PLA2R1: variants seen among roughly 807,000 people sequenced by gnomAD.
The protein encoded by PLA2R1 is phospholipase A2 receptor 1, also known as secretory phospholipase A2 receptor.
Under a neutral mutation model 195.9 loss-of-function variants are expected in PLA2R1, and 158 were observed. That is an observed-to-expected ratio of 0.81 (90% CI 0.71 to 0.92). PLA2R1 has a LOEUF of 0.92. Among genes scored for constraint, PLA2R1 ranks in the 40% least tolerant of loss-of-function variants. The probability of loss-of-function intolerance (pLI) is 0.00; values close to 1 mark genes in which losing one functional copy is unlikely to be tolerated. For missense variants in PLA2R1, 1,626 were observed against 1,764.6 expected (o/e 0.92, Z 1.41); for synonymous variants, 586 against 598.2 (o/e 0.98, Z 0.30).
At chr2:159,931,679 G>A (rs1686594664), downstream of PLA2R1, among the ~76,000 whole-genome samples, 1 of 152,050 alleles carries the variant, frequency 6.6e-6, no homozygotes. Flanking sequence ...TGTACTACAG[G>A]CATGCACCAC....
chr2:159,936,011 G>T lies in PLA2R1; in HGVS notation c.*5767C>A, dbSNP rs1194931318. On this transcript the variant is annotated 3_prime_UTR_variant, in exon 30 of 30. Transcript: ENST00000283243. ...CTGTCGCCCAGGCTGGAGTGCAGTG[G>T]CGCCATCTCGGCTCACTGTAAGCTC... The T allele has an allele frequency of 7.1e-6, 1 of 140,014 alleles. No homozygotes were observed. Among genetic ancestry groups the T allele is most frequent in the African/African-American group, 2.7e-5 (1 of 37,142 alleles). 8.7% of individuals were successfully genotyped at this position (140,014 alleles called of 1,614,324 possible).
intron 28 of PLA2R1, 37 bp from the exon 29 acceptor site, chr2:159,942,196 T>C (rs1349969710): frequency 6.5e-7 from 1 of 1,544,452 alleles, no homozygotes; most frequent in Admixed American, 1.7e-5. Context: ...GAGGTTTTTC[T>C]TTTAATTCAG....
intron 3 of PLA2R1, among the ~76,000 whole-genome samples, chr2:160,035,755 C>T (rs1047990514): frequency 2.6e-5 from 4 of 152,146 alleles, no homozygotes; most frequent in East Asian, 1.9e-4. Context: ...GAAGTGCATA[C>T]GTAGAATGAC....
downstream of PLA2R1, among the ~76,000 whole-genome samples, chr2:159,931,709 T>G (rs991051823): frequency 6.6e-6 from 1 of 152,172 alleles, no homozygotes; most frequent in Non-Finnish European, 1.5e-5. Context: ...CTAACTTTTT[T>G]GTATTTTTTT....
chr2:159,963,816 T>C (rs1463318911), intron 20 of PLA2R1, among the ~76,000 whole-genome samples: 1 of 152,178 alleles, frequency 6.6e-6, no homozygotes, highest in African/African-American at 2.4e-5. Context: ...AGAACATTTG[T>C]CAGTTCCTCA....
At chr2:159,986,618 G>A (rs766097551) in intron 12 of PLA2R1, among the ~76,000 whole-genome samples, 1 of 148,598 alleles carries the variant, frequency 6.7e-6, no homozygotes, top group African/African-American at 2.5e-5. Flanking sequence ...ATAGAGACTC[G>A]CTGTGTCACC....
At chr2:159,993,478 T>A (rs921362837) in intron 11 of PLA2R1, among the ~76,000 whole-genome samples, 5 of 60,266 alleles carry the variant, frequency 8.3e-5, no homozygotes, top group Admixed American at 1.7e-4. Context: ...ACACACACAC[T>A]TCCTAGATCT....
In PLA2R1 at chr2:160,042,810, T is replaced by C. The variant is rs796411702; in HGVS notation, c.494-612A>G. Among the ~76,000 whole-genome samples the C allele has an allele frequency of 8.3e-4, 22 of 26,410 alleles. 1 individual carries two copies. The highest frequency in any genetic ancestry group is 5.7e-3 in the Admixed American group (9 of 1,584). 17.3% of individuals were successfully genotyped at this position (26,410 alleles called of 152,430 possible). A position where few individuals can be genotyped will look rare whatever the true frequency, so the allele number is the denominator to read the frequency against. ...TGGGGTGTGTGTGTGCGTGTGTGTG[T>C]GTGTGTGTGTGTGTGTGTGTGTGTG... On this transcript the variant is annotated intron_variant, in intron 2 of 29. Transcript: ENST00000283243.
rs1402368759 is a variant in PLA2R1 at position 159,932,027 on chromosome 2, AACTTT to A, written c.*9746_*9750del. ...TAGGTTATTATTTAAGTGTAACGTT[AACTTT>A]ACTTATTAATATGCAATTACAGATT... On this transcript the variant is annotated 3_prime_UTR_variant, in exon 30 of 30. Coordinates refer to ENST00000283243, the MANE Select transcript of PLA2R1 (RefSeq NM_007366.5). 1 of 152,254 alleles carries A rather than the reference AACTTT, an allele frequency of 6.6e-6. No individual in the cohort carries two copies. Among genetic ancestry groups the A allele is most frequent in the Non-Finnish European group, 1.5e-5 (1 of 68,038 alleles). 9.4% of individuals were successfully genotyped at this position (152,254 alleles called of 1,614,324 possible). A position where few individuals can be genotyped will look rare whatever the true frequency, so the allele number is the denominator to read the frequency against.
At chr2:160,057,974 C>T (rs138344185) in intron 1 of PLA2R1, among the ~76,000 whole-genome samples, 23 of 152,176 alleles carry the variant, frequency 1.5e-4, no homozygotes, top group Admixed American at 1.1e-3. Context: ...GCTTCCTGCC[C>T]GTTGGTGGGT....
At chr2:160,020,052 T>C in intron 8 of PLA2R1, 54 bp downstream of exon 8, 1 of 1,368,532 alleles carries the variant, frequency 7.3e-7, no homozygotes, top group South Asian at 1.3e-5. Flanking sequence ...CCAACACAGG[T>C]GGCCTTCAGT....
intron 20 of PLA2R1, among the ~76,000 whole-genome samples, chr2:159,959,866 G>GCCA (rs749210242): frequency 2.0e-5 from 3 of 152,082 alleles, no homozygotes; most frequent in Non-Finnish European, 4.4e-5. Flanking sequence ...CATGGTCTCT[G>GCCA]CCACCACTAT....
intron 11 of PLA2R1, among the ~76,000 whole-genome samples, chr2:159,998,181 C>A (rs1691354983): frequency 6.6e-6 from 1 of 152,078 alleles, no homozygotes; most frequent in Non-Finnish European, 1.5e-5. Context: ...GGGTGAGGAA[C>A]CCTAATAGGT....
chr2:159,951,257 C>A, intron 24 of PLA2R1, 83 bp downstream of exon 24: 1 of 763,084 alleles, frequency 1.3e-6, no homozygotes, highest in Non-Finnish European at 2.3e-6. Flanking sequence ...TTTTTCAGTG[C>A]TAATTTCAGT....
chr2:159,924,755 T>TA, the PLA2R1 span, among the ~76,000 whole-genome samples: 1 of 149,292 alleles, frequency 6.7e-6, no homozygotes, highest in Non-Finnish European at 1.5e-5. Context: ...CGAACAAAAA[T>TA]AAAAAAATAA....
chr2:159,945,172 AT>A (rs906683391), intron 27 of PLA2R1, 90 bp from the exon 28 acceptor site: 11 of 558,660 alleles, frequency 2.0e-5, no homozygotes, highest in Admixed American at 4.4e-5. Context: ...CAGCCCCTGA[AT>A]TTTTTTATTT....
At chr2:160,044,630 G>C in intron 2 of PLA2R1, 144 bp downstream of exon 2, 2 of 663,726 alleles carry the variant, frequency 3.0e-6, no homozygotes. Flanking sequence ...CATAAGCAAG[G>C]AAGCAACTAA....
At chr2:159,929,785 T>TTGTATA (rs1223522009), downstream of PLA2R1, among the ~76,000 whole-genome samples, 1 of 151,402 alleles carries the variant, frequency 6.6e-6, no homozygotes, top group Non-Finnish European at 1.5e-5. Context: ...GATAAAGAAA[T>TTGTATA]TGTATATGTA....
rs113333927 is a variant in PLA2R1, at chr2:159,986,589, CTTTTT to C, written c.2037+562_2037+566del. Among the ~76,000 whole-genome samples, 287 of 142,346 alleles carry C rather than the reference CTTTTT, an allele frequency of 2.0e-3. 2 individuals carry two copies. Among genetic ancestry groups the C allele is most frequent in the African/African-American group, 7.0e-3 (272 of 38,978 alleles). 93.4% of individuals were successfully genotyped at this position (142,346 alleles called of 152,430 possible). A position where few individuals can be genotyped will look rare whatever the true frequency, so the allele number is the denominator to read the frequency against. The stretch of plus-strand genomic sequence containing the variant: ...TAGCGCATGCTATTTCTTTTCTTTC[CTTTTT>C]TTTTTTTTTTGATATAGAGACTCGC... On this transcript the variant is annotated intron_variant, in intron 12 of 29. Coordinates refer to ENST00000283243, the MANE Select transcript of PLA2R1 (RefSeq NM_007366.5).
Sources: gnomAD v4.1 joint callset for allele counts (sites outside exome capture counted in the v4.1 genomes callset) on GRCh38, gnomAD v4.1.1 for gene constraint, MANE v1.5 for transcripts, NCBI Gene and HGNC (gene_info 2026-07-23, HGNC 2026-07-21) for gene names.